The following SCN3A variants were observed in gnomAD, a reference collection of about 807,000 sequenced individuals.
SCN3A encodes the protein sodium voltage-gated channel alpha subunit 3.
Under a neutral mutation model 187.6 loss-of-function variants are expected in SCN3A, and 60 were observed. The ratio of observed to expected loss-of-function variants is 0.32; its 90% CI spans 0.26 to 0.40. The LOEUF (loss-of-function observed/expected upper bound fraction) is 0.40, where lower values mean the gene tolerates loss of function less well. Among genes scored for constraint, SCN3A ranks in the 10% least tolerant of loss-of-function variants. The pLI is 1.00. For missense variants in SCN3A, 1,601 were observed against 2,428.2 expected, an observed-to-expected ratio of 0.66 and a Z score of 7.16; for synonymous variants, 788 against 829.2, an observed-to-expected ratio of 0.95 and a Z score of 0.85.
chr2:165,131,471 C>A, intron 15 of SCN3A, 54 bp from the exon 16 acceptor site: 1 of 1,265,480 alleles, frequency 7.9e-7, no homozygotes, highest in East Asian at 2.5e-5. Flanking sequence ...ACTGATGCTA[C>A]ACGAATTTAT....
chr2:165,099,640 C>A (rs1018215700), intron 22 of SCN3A, among the ~76,000 whole-genome samples: 1 of 152,044 alleles, frequency 6.6e-6, no homozygotes, highest in African/African-American at 2.4e-5. Context: ...TGGCGTGAAC[C>A]CGGGAGGCGG....
At chr2:165,163,280 G>A (rs1689522377) in intron 7 of SCN3A, among the ~76,000 whole-genome samples, 3 of 152,036 alleles carry the variant, frequency 2.0e-5, no homozygotes, top group Non-Finnish European at 2.9e-5. Flanking sequence ...CTTTGTAAAA[G>A]GAGATCCATT....
At chr2:165,126,596 C>G (rs1366114563) in intron 18 of SCN3A, among the ~76,000 whole-genome samples, 2,708 of 113,624 alleles carry the variant, frequency 0.024, 100 homozygotes, top group African/African-American at 0.081. Context: ...CCCTCCCTCC[C>G]TTCGTTCCTT....
At chr2:165,162,941 C>A (rs1353155570) in intron 7 of SCN3A, 113 bp from the exon 8 acceptor site, 3 of 1,287,644 alleles carry the variant, frequency 2.3e-6, no homozygotes, top group South Asian at 1.2e-5. Context: ...ATTTAGACAC[C>A]AAAGCTGTAT....
intron 21 of SCN3A, among the ~76,000 whole-genome samples, chr2:165,105,637 A>G (rs754938449): frequency 1.1e-4 from 16 of 152,150 alleles, no homozygotes; most frequent in Non-Finnish European, 2.2e-4. Context: ...GGTAAGGTGT[A>G]CAGCAGGAAT....
At chr2:165,126,551 CT>C (rs1245293470) in intron 18 of SCN3A, among the ~76,000 whole-genome samples, 1 of 141,430 alleles carries the variant, frequency 7.1e-6, no homozygotes, top group Non-Finnish European at 1.5e-5. Context: ...CTTTCTTTCT[CT>C]TTCCCTTTCT....
Position 165,092,381 on chromosome 2 carries a change from C to A in SCN3A, c.4680G>T (p.Arg1560=). The change falls in exon 27 of 28, where the codon CGG becomes CGT. Residue 1560 remains arginine (R), a synonymous_variant. Coordinates refer to ENST00000283254, the MANE Select transcript of SCN3A (RefSeq NM_006922.4). This position sits in a 1 kb window ranked among gnomAD's most constrained non-coding sequence, Gnocchi z 4.2. ...ACAGAACAATGAACACTAGGTTGAT[C>A]CGGGACAAAACTAGGGTCATGTATT... The part of the protein sequence containing the change: ...QGKYMTLVLS[R]INLVFIVLFT... 6.2e-7 allele frequency: 1 copy of A among 1,613,946 alleles called. No individual in the cohort carries two copies. The highest frequency in any genetic ancestry group is 8.5e-7 in the Non-Finnish European group (1 of 1,179,966).
At chr2:165,136,181 A>G in intron 15 of SCN3A, among the ~76,000 whole-genome samples, 1 of 152,060 alleles carries the variant, frequency 6.6e-6, no homozygotes, top group East Asian at 1.9e-4. Flanking sequence ...TTTTCATTCA[A>G]TCATCTTATA....
At position 165,141,071 on chromosome 2, in the gene SCN3A, T is replaced by C. The variant is rs558213576; in HGVS notation, c.1672-73A>G. On this transcript the variant is annotated intron_variant, in intron 12 of 27. Coordinates refer to ENST00000283254, the MANE Select transcript of SCN3A (RefSeq NM_006922.4). ...AACGCAATTATTTAATAAATATTAA[T>C]ATTAAAGGATCTGTTTTCTTTGGAG... 160 of 926,878 alleles carry C rather than the reference T, an allele frequency of 1.7e-4. No individual in the cohort carries two copies. The East Asian group carries it at 4.1e-3, about 24-fold the overall frequency. The allele number at this position is 926,878 out of a possible 1,614,324, so 57.4% of individuals were successfully genotyped here. A position where few individuals can be genotyped will look rare whatever the true frequency, so the allele number is the denominator to read the frequency against.
intron 9 of SCN3A, 152 bp downstream of exon 9, chr2:165,162,156 G>C (rs758217688): frequency 2.8e-6 from 2 of 701,836 alleles, no homozygotes; most frequent in Middle Eastern, 4.1e-4. Context: ...GTGGCAATCC[G>C]GTAAGGCAGA....
intron 1 of SCN3A, among the ~76,000 whole-genome samples, chr2:165,202,190 T>G (rs1240050462): frequency 6.6e-6 from 1 of 152,096 alleles, no homozygotes; most frequent in African/African-American, 2.4e-5. Flanking sequence ...CCGAAATTTT[T>G]GAAAGAGCGC....
Position 165,163,706 on chromosome 2 carries a change from A to G in SCN3A, c.606T>C (p.Tyr202=), listed in dbSNP as rs1689550434. The G allele has an allele frequency of 1.2e-6, 2 of 1,613,980 alleles. No individual in the cohort carries two copies. Among genetic ancestry groups the G allele is most frequent in the African/African-American group, 1.3e-5 (1 of 74,928 alleles). ...TGCCCAGGTCCACAAACTCTGTCAC[A>G]TATCTGTAATAGGGGAGTTCACACA... ...WLDFSVIVMA[Y]VTEFVDLGNV... The change falls in exon 7 of 28, where the codon TAT becomes TAC. Residue 202 remains tyrosine, a synonymous_variant. Transcript: ENST00000283254.
chr2:165,089,990 G>A lies in SCN3A; in HGVS notation c.*160C>T, dbSNP rs1684997750. On this transcript the variant is annotated 3_prime_UTR_variant, in exon 28 of 28. Transcript: ENST00000283254. ...ATACCCTGCTTCACAGAGTTGCAGT[G>A]ACAGAGAGGTCACTTCACTGTCTTG... is the stretch of plus-strand genomic sequence containing the variant. 1 of 955,676 alleles carries A rather than the reference G, an allele frequency of 1.0e-6. No individual in the cohort carries two copies. Among genetic ancestry groups the A allele is most frequent in the Non-Finnish European group, 1.5e-6 (1 of 657,658 alleles). 59.2% of individuals were successfully genotyped at this position (955,676 alleles called of 1,614,324 possible). A position where few individuals can be genotyped will look rare whatever the true frequency, so the allele number is the denominator to read the frequency against.
intron 21 of SCN3A, among the ~76,000 whole-genome samples, chr2:165,109,089 T>C (rs1685994929): frequency 6.6e-6 from 1 of 152,196 alleles, no homozygotes; most frequent in African/African-American, 2.4e-5. Context: ...CACCTCTCCT[T>C]TGGAAAAACC....
chr2:165,139,714 GA>G, intron 13 of SCN3A, 106 bp from the exon 14 acceptor site: 1 of 1,372,922 alleles, frequency 7.3e-7, no homozygotes, highest in Non-Finnish European at 1.0e-6. Context: ...TTCCAGGTAA[GA>G]ATTTTCAAGG....
chr2:165,146,987 T>A lies in SCN3A; in HGVS notation c.1423A>T (p.Ile475Leu). 6.2e-7 allele frequency: 1 copy of A among 1,614,026 alleles called. No homozygotes were observed. The highest frequency in any genetic ancestry group is 2.2e-5 in the East Asian group (1 of 44,870). Reference protein sequence around the residue: ...ASAASRDFSGIGGLGELLESS... With the variant: ...ASAASRDFSGLGGLGELLESS... ...TCCAACAGCTCTCCTAACCCACCTA[T>A]TCCACTGAAATCTCTTGAAGCAGCT... The change falls in exon 12 of 28, where the codon ATA becomes TTA. Residue 475 changes from isoleucine (I) to leucine (L), a missense_variant. Physicochemically the swap from Ile to Leu is conservative, Grantham distance 5 (BLOSUM62 2). Around this residue, in one of 11 missense-constraint regions of SCN3A, gnomAD observed 376 missense variants for 476.0 expected, o/e 0.79. Coordinates refer to ENST00000283254, the MANE Select transcript of SCN3A (RefSeq NM_006922.4).
At chr2:165,172,138 C>G (rs1412366885) in intron 3 of SCN3A, among the ~76,000 whole-genome samples, 1 of 152,048 alleles carries the variant, frequency 6.6e-6, no homozygotes, top group South Asian at 2.1e-4. Context: ...TATTTAAGAC[C>G]ATGGTGCCAA....
At chr2:165,131,747 C>T (rs1687336695) in intron 15 of SCN3A, among the ~76,000 whole-genome samples, 1 of 118,312 alleles carries the variant, frequency 8.5e-6, no homozygotes, top group Non-Finnish European at 1.7e-5. Context: ...GCTATCCCTC[C>T]CCCCTCCCCC....
chr2:165,187,166 T>C (rs1451796348), intron 1 of SCN3A, among the ~76,000 whole-genome samples: 1 of 152,228 alleles, frequency 6.6e-6, no homozygotes, highest in Non-Finnish European at 1.5e-5. Flanking sequence ...GTGGTTCACA[T>C]TGGTGTTGTA....
Sources: allele counts gnomAD v4.1 joint callset (sites outside exome capture counted in the v4.1 genomes callset), GRCh38; gene constraint gnomAD v4.1.1; regional missense constraint gnomAD v4.1.1; non-coding constraint Gnocchi (gnomAD v3.1); transcripts MANE v1.5; gene names NCBI Gene and HGNC (gene_info 2026-07-23, HGNC 2026-07-21).